PVR: variants seen among roughly 807,000 people sequenced by gnomAD.
The protein encoded by PVR is PVR cell adhesion molecule.
PVR carries 39 observed loss-of-function variants against 43.3 expected under a neutral mutation model. The observed-to-expected ratio is 0.90, with a 90% CI of 0.70 to 1.18. The LOEUF is 1.18. PVR is among the 50% of genes most tolerant of loss of function. PVR has a pLI of 0.00. For synonymous variants in PVR, 224 were observed against 233.2 expected (o/e 0.96, Z 0.36); for missense variants, 480 against 549.7 (o/e 0.87, Z 1.27).
intron 2 of PVR, among the ~76,000 whole-genome samples, chr19:44,648,609 T>C (rs530415334): frequency 2.6e-5 from 4 of 152,138 alleles, no homozygotes; most frequent in Non-Finnish European, 5.9e-5. Context: ...ACCCTCCCTG[T>C]AGCTGGAATT....
intron 1 of PVR, among the ~76,000 whole-genome samples, chr19:44,644,719 C>A: frequency 7.4e-6 from 1 of 135,936 alleles, no homozygotes; most frequent in South Asian, 2.3e-4. Flanking sequence ...TTCTTTCATT[C>A]TTTTTTTTTT....
Position 44,662,230 on chromosome 19 carries a change from G to GATCTACAC in PVR, c.*419_*420insATCTACAC. On this transcript the variant is annotated 3_prime_UTR_variant, in exon 8 of 8. Transcript: ENST00000425690. Reference sequence around the variant, plus strand: ...AGTACTGCCAATACTGCCAACCAGAGCAGCTCACTCGAGATCTTTGTGTCC... The same window carrying GATCTACAC: ...AGTACTGCCAATACTGCCAACCAGAGATCTACACCAGCTCACTCGAGATCTTTGTGTCC... 6.9e-5 allele frequency: 13 copies of GATCTACAC among 188,644 alleles called. No homozygotes were observed. Among genetic ancestry groups the GATCTACAC allele is most frequent in the South Asian group, 5.0e-4 (4 of 8,066 alleles). The allele number at this position is 188,644 out of a possible 1,614,324, so 11.7% of individuals were successfully genotyped here.
chr19:44,650,968 C>T (rs1973266187), intron 3 of PVR, among the ~76,000 whole-genome samples: 1 of 152,042 alleles, frequency 6.6e-6, no homozygotes, highest in African/African-American at 2.4e-5. Context: ...CTTCCAGGCT[C>T]AAGCAATCCT....
intron 1 of PVR, among the ~76,000 whole-genome samples, chr19:44,644,873 GC>G (rs1973034721): frequency 6.8e-6 from 1 of 146,530 alleles, no homozygotes; most frequent in Non-Finnish European, 1.5e-5. Flanking sequence ...GTGCCACTAT[GC>G]CTGGCTAATA....
intron 3 of PVR, among the ~76,000 whole-genome samples, chr19:44,651,613 C>T (rs530360801): frequency 4.1e-4 from 62 of 152,288 alleles, no homozygotes; most frequent in African/African-American, 1.3e-3. Flanking sequence ...TACAGGCTAT[C>T]CAGTCTCACC....
In PVR at chr19:44,663,305, T is replaced by C. The variant is rs967533189; in HGVS notation, c.*1494T>C. 1.3e-5 allele frequency: 2 copies of C among 152,160 alleles called. No homozygotes were observed. The highest frequency in any genetic ancestry group is 2.9e-5 in the Non-Finnish European group (2 of 68,070). The allele number at this position is 152,160 out of a possible 1,614,324, so 9.4% of individuals were successfully genotyped here. On this transcript the variant is annotated 3_prime_UTR_variant, in exon 8 of 8. Coordinates refer to ENST00000425690, the MANE Select transcript of PVR (RefSeq NM_006505.5). ...AGGGAGAGAAGACCTTGGGCCAAGA[T>C]GCTAAATGGGAATGCAAAGCTTGAG...
chr19:44,652,365 A>ATTTTTG (rs199599283), intron 3 of PVR, among the ~76,000 whole-genome samples: 2,946 of 151,246 alleles, frequency 0.019, 104 homozygotes, highest in African/African-American at 0.068. Flanking sequence ...TGCCTAGCTA[A>ATTTTTG]TTTTTGTTTT....
At chr19:44,649,765 G>A (rs1973226374) in intron 2 of PVR, 44 bp from the exon 3 acceptor site, 1 of 1,594,768 alleles carries the variant, frequency 6.3e-7, no homozygotes, top group Non-Finnish European at 8.6e-7. Context: ...TTCTGCCACG[G>A]AGGGGTTCAT....
At chr19:44,653,089 C>T (rs1450445261) in intron 3 of PVR, among the ~76,000 whole-genome samples, 1 of 152,116 alleles carries the variant, frequency 6.6e-6, no homozygotes, top group Admixed American at 6.6e-5. Flanking sequence ...CACACATACA[C>T]AGAGCCTGTC....
At position 44,644,088 on chromosome 19, in the gene PVR, G is replaced by A; in HGVS notation, c.-9G>A. 6.6e-7 allele frequency: 1 copy of A among 1,510,522 alleles called. No individual in the cohort carries two copies. The highest frequency in any genetic ancestry group is 1.2e-5 in the South Asian group (1 of 81,672). The allele number at this position is 1,510,522 out of a possible 1,614,324, so 93.6% of individuals were successfully genotyped here. A position where few individuals can be genotyped will look rare whatever the true frequency, so the allele number is the denominator to read the frequency against. On this transcript the variant is annotated 5_prime_UTR_variant, in exon 1 of 8. Coordinates refer to ENST00000425690, the MANE Select transcript of PVR (RefSeq NM_006505.5). ...CCCGCGGGAGGCCCAGCTGCTCGGA[G>A]CAACTGGCATGGCCCGAGCCATGGC...
At position 44,650,213 on chromosome 19, in the gene PVR, C is replaced by T. The variant is rs1041050139; in HGVS notation, c.724+108C>T. ...TAGGCATTGCTTCCATCATCTGCAC[C>T]GGCTCCCCTGACTCCTGTCTACACG... On this transcript the variant is annotated intron_variant, in intron 3 of 7. Coordinates refer to ENST00000425690, the MANE Select transcript of PVR (RefSeq NM_006505.5). 18 of 1,118,680 alleles carry T rather than the reference C, an allele frequency of 1.6e-5. No homozygotes were observed. The Admixed American group carries it at 3.5e-4, about 21-fold the overall frequency. The allele number at this position is 1,118,680 out of a possible 1,614,324, so 69.3% of individuals were successfully genotyped here.
intron 2 of PVR, 97 bp from the exon 3 acceptor site, chr19:44,649,712 C>A: frequency 7.4e-7 from 1 of 1,356,582 alleles, no homozygotes; most frequent in Non-Finnish European, 1.0e-6. Flanking sequence ...TGAGCCACCC[C>A]GCCCAGCAAC....
In PVR at chr19:44,663,401, G is replaced by A. The variant is rs1172758964; in HGVS notation, c.*1590G>A. The A allele has an allele frequency of 6.6e-6, 1 of 152,380 alleles. No individual in the cohort carries two copies. The highest frequency in any genetic ancestry group is 1.5e-5 in the Non-Finnish European group (1 of 68,170). The allele number at this position is 152,380 out of a possible 1,614,324, so 9.4% of individuals were successfully genotyped here. A position where few individuals can be genotyped will look rare whatever the true frequency, so the allele number is the denominator to read the frequency against. ...CAGAGATGGAAGAGCCGGGAACAGA[G>A]AAGTGTGGGGAAGAGATAGGAACCA... On this transcript the variant is annotated 3_prime_UTR_variant, in exon 8 of 8. Coordinates refer to ENST00000425690, the MANE Select transcript of PVR (RefSeq NM_006505.5).
At chr19:44,656,368 C>A (rs6509170) in intron 4 of PVR, among the ~76,000 whole-genome samples, 22,976 of 152,088 alleles carry the variant, frequency 0.15, 3,380 homozygotes, top group African/African-American at 0.38. Context: ...TGTGATGGTG[C>A]CTTTACTGTC....
intron 3 of PVR, among the ~76,000 whole-genome samples, chr19:44,652,443 G>T (rs203706): frequency 0.017 from 2,631 of 152,260 alleles, 83 homozygotes; most frequent in African/African-American, 0.061. Flanking sequence ...GAGTGCAGTG[G>T]CACGATCTCA....
intron 3 of PVR, 33 bp downstream of exon 3, chr19:44,650,138 C>T: frequency 6.7e-7 from 1 of 1,493,122 alleles, no homozygotes; most frequent in Non-Finnish European, 8.9e-7. Flanking sequence ...TGGCAAGAAC[C>T]CCTGCCGGGC....
At chr19:44,650,173 C>A in intron 3 of PVR, 68 bp downstream of exon 3, 2 of 1,410,974 alleles carry the variant, frequency 1.4e-6, no homozygotes, top group Non-Finnish European at 1.9e-6. Flanking sequence ...TCTACACTGA[C>A]TCCCCAAGGC....
chr19:44,653,813 C>A, intron 3 of PVR, 87 bp from the exon 4 acceptor site: 1 of 879,530 alleles, frequency 1.1e-6, no homozygotes, highest in Non-Finnish European at 1.9e-6. Flanking sequence ...TATCCCCGGG[C>A]CTTTTCCTGC....
chr19:44,661,885 A>G lies in PVR; in HGVS notation c.*74A>G. 2.2e-6 allele frequency: 3 copies of G among 1,389,522 alleles called. No homozygotes were observed. Among genetic ancestry groups the G allele is most frequent in the Non-Finnish European group, 3.0e-6 (3 of 984,068 alleles). 86.1% of individuals were successfully genotyped at this position (1,389,522 alleles called of 1,614,324 possible). ...GGCCTCCAGAGTTGGACCCGACCCC[A>G]ATGGATGAAGACCCCCTCCAAAGAG... On this transcript the variant is annotated 3_prime_UTR_variant, in exon 8 of 8. Coordinates refer to ENST00000425690, the MANE Select transcript of PVR (RefSeq NM_006505.5).
Sources: gnomAD v4.1 joint callset for allele counts (sites outside exome capture counted in the v4.1 genomes callset) on GRCh38, gnomAD v4.1.1 for gene constraint, MANE v1.5 for transcripts, NCBI Gene and HGNC (gene_info 2026-07-23, HGNC 2026-07-21) for gene names.